The following AVEN variants were observed in gnomAD, a reference collection of about 807,000 sequenced individuals.
AVEN encodes apoptosis and caspase activation inhibitor.
Under a neutral mutation model 38.1 loss-of-function variants are expected in AVEN, and 41 were observed. The observed-to-expected ratio is 1.08, with a 90% confidence interval of 0.84 to 1.40. The LOEUF (loss-of-function observed/expected upper bound fraction) is 1.40. Among genes scored for constraint, AVEN ranks in the 40% most tolerant of loss-of-function variants. AVEN has a pLI of 0.00. For missense variants in AVEN, 605 were observed against 438.8 expected (o/e 1.38, Z -3.38); for synonymous variants, 206 against 171.8 (o/e 1.20, Z -1.56).
At chr15:33,955,191 G>A (rs941507722) in intron 2 of AVEN, among the ~76,000 whole-genome samples, 2 of 152,034 alleles carry the variant, frequency 1.3e-5, no homozygotes, top group Non-Finnish European at 2.9e-5. Context: ...TCTATTAGGT[G>A]TACTTTTTTC....
intron 2 of AVEN, among the ~76,000 whole-genome samples, chr15:33,932,497 T>TAA (rs1258967390): frequency 6.6e-6 from 1 of 152,166 alleles, no homozygotes; most frequent in African/African-American, 2.4e-5. Context: ...TGAAGAAGAA[T>TAA]AAGAAATGGT....
Position 34,039,150 on chromosome 15 carries a change from G to T in AVEN, c.-104C>A, listed in dbSNP as rs1597380275. 1 of 966,760 alleles carries T rather than the reference G, an allele frequency of 1.0e-6. No homozygotes were observed. The highest frequency in any genetic ancestry group is 1.2e-6 in the Non-Finnish European group (1 of 801,830). 59.9% of individuals were successfully genotyped at this position (966,760 alleles called of 1,614,324 possible). A position where few individuals can be genotyped will look rare whatever the true frequency, so the allele number is the denominator to read the frequency against. ...CACGGAGGAGCCGCGAGCGAAAGGC[G>T]CCCGGTAGCAGCGAGGCGCGGGGTG... On this transcript the variant is annotated 5_prime_UTR_variant, in exon 1 of 6. Transcript: ENST00000306730.
chr15:33,864,992 G>A, downstream of AVEN: 1 of 624,364 alleles, frequency 1.6e-6, no homozygotes, highest in Non-Finnish European at 2.8e-6. Context: ...TGGGAATAGA[G>A]CAAGAATGAA....
At chr15:33,959,000 C>T (rs1027754128) in intron 2 of AVEN, among the ~76,000 whole-genome samples, 5 of 152,172 alleles carry the variant, frequency 3.3e-5, no homozygotes, top group African/African-American at 9.7e-5. Flanking sequence ...CATTGGTCTC[C>T]TCAGACCTGG....
chr15:33,965,134 T>C (rs968296356), intron 2 of AVEN, among the ~76,000 whole-genome samples: 27 of 152,210 alleles, frequency 1.8e-4, no homozygotes, highest in Non-Finnish European at 3.4e-4. Flanking sequence ...TGCACTGGTC[T>C]TGTACCAAGT....
chr15:34,073,357 T>C (rs571741295), intron 1 of AVEN, among the ~76,000 whole-genome samples: 2 of 151,324 alleles, frequency 1.3e-5, no homozygotes, highest in East Asian at 3.9e-4. Context: ...GCCCGGCCTG[T>C]ACAGACACTT....
At chr15:33,961,731 T>A (rs573506567) in intron 2 of AVEN, among the ~76,000 whole-genome samples, 1 of 138,860 alleles carries the variant, frequency 7.2e-6, no homozygotes, top group Admixed American at 8.0e-5. Context: ...GAGAATGGCG[T>A]GAACCCGGGA....
At chr15:33,861,054 TTTTCTGCCTGTTA>T in intron 11 of AVEN, 1 of 1,530,716 alleles carries the variant, frequency 6.5e-7, no homozygotes, top group Non-Finnish European at 8.9e-7. Context: ...AACAAATGCC[TTTTCTGCCTGTTA>T]TTTTTCTTAG....
chr15:33,871,521 T>C (rs144515058), intron 3 of AVEN, among the ~76,000 whole-genome samples: 2,397 of 151,110 alleles, frequency 0.016, 30 homozygotes, highest in South Asian at 0.041. Flanking sequence ...GGAGCCGAGA[T>C]CGCAACACTG....
chr15:33,919,036 T>G (rs1893283911), intron 2 of AVEN, among the ~76,000 whole-genome samples: 1 of 151,502 alleles, frequency 6.6e-6, no homozygotes, highest in African/African-American at 2.4e-5. Flanking sequence ...TTCTCCTGCC[T>G]CAGCCTCCCG....
intron 2 of AVEN, among the ~76,000 whole-genome samples, chr15:33,879,856 G>C (rs1026752237): frequency 6.6e-6 from 1 of 152,136 alleles, no homozygotes; most frequent in South Asian, 2.1e-4. Context: ...ATTATGTAAT[G>C]TCTATAAAGA....
At chr15:34,064,475 G>A (rs980930054) in intron 4 of AVEN, 7 of 815,546 alleles carry the variant, frequency 8.6e-6, no homozygotes, top group Non-Finnish European at 1.3e-5. Flanking sequence ...AAATGGAAGG[G>A]GCCATAGCTG....
At chr15:33,878,328 G>C (rs1891337951) in intron 2 of AVEN, among the ~76,000 whole-genome samples, 1 of 152,012 alleles carries the variant, frequency 6.6e-6, no homozygotes, top group African/African-American at 2.4e-5. Context: ...AAAAACATAA[G>C]AACAGAAGAG....
intron 5 of AVEN, among the ~76,000 whole-genome samples, chr15:34,053,319 A>AAAAATATAT (rs775436850): frequency 1.7e-4 from 7 of 42,096 alleles, no homozygotes; most frequent in Non-Finnish European, 2.8e-4. Flanking sequence ...AAAAAAAAAA[A>AAAAATATAT]ATATATATAT....
At chr15:33,932,707 C>A (rs189001557) in intron 2 of AVEN, among the ~76,000 whole-genome samples, 1 of 152,024 alleles carries the variant, frequency 6.6e-6, no homozygotes, top group African/African-American at 2.4e-5. Context: ...CGCCTGTAAT[C>A]CCAGCTACTC....
intron 2 of AVEN, among the ~76,000 whole-genome samples, chr15:33,958,526 G>C (rs1294304224): frequency 6.6e-6 from 1 of 151,644 alleles, no homozygotes; most frequent in Non-Finnish European, 1.5e-5. Flanking sequence ...AGGAGGCAGA[G>C]GTTACAGTGA....
At position 33,859,628 on chromosome 15, in the gene AVEN, T is replaced by C. The variant is rs911119968; in HGVS notation, n.2730-534A>G. 6 of 1,613,946 alleles carry C rather than the reference T, an allele frequency of 3.7e-6. No individual in the cohort carries two copies. In the Admixed American group the frequency reaches 5.0e-5, roughly 13 times the overall value. ...TGAGAGCAGGAGGTGGCATTGGTGA[T>C]GAAATTGAAGACCCTGCTGGTGATC... On this transcript the variant is annotated intron_variant and non_coding_transcript_variant, in intron 11 of 11. Coordinates refer to the AVEN transcript ENST00000675287.
chr15:33,941,636 A>G (rs558067075), intron 2 of AVEN, among the ~76,000 whole-genome samples: 2 of 152,362 alleles, frequency 1.3e-5, no homozygotes, highest in East Asian at 3.9e-4. Context: ...CAAAGTGAGA[A>G]TAATTTAAAT....
intron 2 of AVEN, among the ~76,000 whole-genome samples, chr15:33,878,779 C>T (rs1396886749): frequency 2.6e-5 from 4 of 151,824 alleles, no homozygotes; most frequent in Non-Finnish European, 5.9e-5. Flanking sequence ...ATAAAGCAAT[C>T]CAGTAGGAAA....
Sources: gnomAD v4.1 joint callset for allele counts (sites outside exome capture counted in the v4.1 genomes callset) on GRCh38, gnomAD v4.1.1 for gene constraint, MANE v1.5 for transcripts, NCBI Gene and HGNC (gene_info 2026-07-23, HGNC 2026-07-21) for gene names.